WDR7: variants seen among roughly 807,000 people sequenced by gnomAD.
WDR7 encodes WD repeat domain 7.
Under a neutral mutation model 169.4 loss-of-function variants are expected in WDR7, and 46 were observed. The ratio of observed to expected loss-of-function variants is 0.27; its 90% CI spans 0.21 to 0.35. WDR7 has a LOEUF of 0.35. Ranked by LOEUF, WDR7 falls within the 10% of genes least tolerant of loss-of-function variation. The pLI, the probability that WDR7 is intolerant of heterozygous loss-of-function variation, is 1.00. For missense variants in WDR7, 1,534 were observed against 1,859.3 expected (o/e 0.83, Z 3.22); for synonymous variants, 612 against 666.8 (o/e 0.92, Z 1.27).
intron 1 of WDR7, among the ~76,000 whole-genome samples, chr18:56,653,726 A>T (rs1224969894): frequency 6.6e-6 from 1 of 152,154 alleles, no homozygotes. Flanking sequence ...TTTGCTTCCA[A>T]GTGCTGCACA....
intron 20 of WDR7, among the ~76,000 whole-genome samples, chr18:56,864,137 A>C (rs992801864): frequency 2.0e-5 from 3 of 151,830 alleles, no homozygotes; most frequent in Non-Finnish European, 4.4e-5. Context: ...GAGAAAAAAG[A>C]AAAAGCATCA....
At chr18:56,717,754 C>A (rs2026224445) in intron 12 of WDR7, among the ~76,000 whole-genome samples, 1 of 152,108 alleles carries the variant, frequency 6.6e-6, no homozygotes, top group Non-Finnish European at 1.5e-5. Flanking sequence ...AATCTTTAAT[C>A]TAGAATTAAT....
chr18:56,790,794 C>A (rs982385169), intron 19 of WDR7, among the ~76,000 whole-genome samples: 5 of 152,058 alleles, frequency 3.3e-5, no homozygotes, highest in African/African-American at 7.2e-5. Context: ...TAAATGGTTT[C>A]ATCGTGCATG....
intron 1 of WDR7, among the ~76,000 whole-genome samples, chr18:56,667,589 A>T (rs574075174): frequency 1.8e-4 from 27 of 152,292 alleles, no homozygotes; most frequent in Admixed American, 3.3e-4. Flanking sequence ...TCCATGATGG[A>T]ATCTAAATTG....
intron 25 of WDR7, 22 bp from the exon 26 acceptor site, chr18:56,962,408 G>T (rs754527230): frequency 1.2e-6 from 2 of 1,609,698 alleles, no homozygotes; most frequent in Non-Finnish European, 1.7e-6. Context: ...TTTTGTTTTT[G>T]TTGTTAAAAT....
intron 14 of WDR7, among the ~76,000 whole-genome samples, chr18:56,753,973 A>T (rs2043833566): frequency 1.3e-5 from 2 of 152,168 alleles, no homozygotes; most frequent in Non-Finnish European, 1.5e-5. Context: ...TAGCAATACA[A>T]ATTAGATTGT....
intron 26 of WDR7, among the ~76,000 whole-genome samples, chr18:56,975,242 A>T (rs2047549806): frequency 6.6e-6 from 1 of 151,850 alleles, no homozygotes; most frequent in African/African-American, 2.4e-5. Flanking sequence ...TCTCGGGGGT[A>T]GTGGGGCAAA....
In WDR7 at chr18:56,935,809, G is replaced by C. The variant is rs749595468; in HGVS notation, c.3735G>C (p.Leu1245=). The C allele has an allele frequency of 2.5e-6, 4 of 1,613,864 alleles. No individual in the cohort carries two copies. In the African/African-American group the frequency reaches 5.3e-5, roughly 22 times the overall value. The change falls in exon 23 of 28, where the codon CTG becomes CTC. Residue 1245 remains leucine, a synonymous_variant. Transcript: ENST00000254442. ...TTAGCATCACAATGGGGTTGCCTCT[G>C]AGCCCAGCAGCTGACTCGGCCCGCT... ...QLANITMGLP[L]SPAADSARSA... is the part of the protein sequence containing the mutation.
At chr18:57,017,418 G>C (rs1383067161) in intron 26 of WDR7, among the ~76,000 whole-genome samples, 1 of 141,164 alleles carries the variant, frequency 7.1e-6, no homozygotes, top group Non-Finnish European at 1.5e-5. Context: ...CATGCTGTGT[G>C]TGTGTGTGTG....
intron 19 of WDR7, among the ~76,000 whole-genome samples, chr18:56,810,920 C>G (rs1408787531): frequency 6.6e-6 from 1 of 152,092 alleles, no homozygotes; most frequent in Non-Finnish European, 1.5e-5. Flanking sequence ...GAAACCTCAG[C>G]CCCCATTAGC....
intron 20 of WDR7, among the ~76,000 whole-genome samples, chr18:56,844,135 ACAGG>A (rs2145338858): frequency 6.6e-6 from 1 of 151,732 alleles, no homozygotes; most frequent in South Asian, 2.1e-4. Context: ...TGCTAGGATT[ACAGG>A]CATGAGCCAC....
At chr18:56,758,442 A>G (rs1415220305) in intron 15 of WDR7, among the ~76,000 whole-genome samples, 2 of 152,214 alleles carry the variant, frequency 1.3e-5, no homozygotes, top group Admixed American at 6.5e-5. Flanking sequence ...CAACTGAGAC[A>G]GTCTGCCTCT....
rs548067376 is a variant in WDR7 at position 56,757,152 on chromosome 18, G to A, written c.2559G>A (p.Gln853=). 9 of 1,614,094 alleles carry A rather than the reference G, an allele frequency of 5.6e-6. No individual in the cohort carries two copies. In the African/African-American group the frequency reaches 1.2e-4, roughly 22 times the overall value. Residue 853 remains glutamine, a synonymous_variant, in exon 15 of 28, where the codon CAG becomes CAA. Coordinates refer to ENST00000254442, the MANE Select transcript of WDR7 (RefSeq NM_015285.3). ...CACTGATGCTGCCGGGTTATAATCA[G>A]CCTGCTTGTAAACTGTCACATGGGA... The part of the protein sequence containing the change: ...HMSLMLPGYN[Q]PACKLSHGKT...
intron 27 of WDR7, among the ~76,000 whole-genome samples, chr18:57,022,805 C>T (rs556583387): frequency 4.5e-4 from 69 of 152,324 alleles, no homozygotes; most frequent in African/African-American, 1.6e-3. Context: ...TTTCAGGTAA[C>T]ATCTTTTTGT....
In WDR7 at chr18:56,939,407, C is replaced by A; in HGVS notation, c.4064+14C>A. The stretch of plus-strand genomic sequence containing the variant: ...AGCCATCTGCAGGTAAAGAAGCCTT[C>A]AAGAGCATGCAGAATAAATAATTTT... On this transcript the variant is annotated intron_variant, in intron 25 of 27. Coordinates refer to ENST00000254442, the MANE Select transcript of WDR7 (RefSeq NM_015285.3). 1 of 1,531,140 alleles carries A rather than the reference C, an allele frequency of 6.5e-7. No homozygotes were observed. Among genetic ancestry groups the A allele is most frequent in the South Asian group, 1.3e-5 (1 of 75,882 alleles). 94.8% of individuals were successfully genotyped at this position (1,531,140 alleles called of 1,614,324 possible).
chr18:56,816,421 C>T (rs1366183443), intron 20 of WDR7, among the ~76,000 whole-genome samples: 4 of 152,054 alleles, frequency 2.6e-5, no homozygotes, highest in East Asian at 1.9e-4. Context: ...TCAGAATCTG[C>T]GATCATTGCT....
Position 57,000,711 on chromosome 18 carries a change from G to A in WDR7, c.4165-20034G>A, listed in dbSNP as rs2047964217. Among the ~76,000 whole-genome samples the A allele has an allele frequency of 1.3e-5, 2 of 152,270 alleles. 1 individual carries two copies. Among genetic ancestry groups the A allele is most frequent in the South Asian group, 4.1e-4 (2 of 4,828 alleles). On this transcript the variant is annotated intron_variant, in intron 26 of 27. Coordinates refer to ENST00000254442, the MANE Select transcript of WDR7 (RefSeq NM_015285.3). Reference sequence around the variant, plus strand: ...ATTATTTTCTTATAGTTTGGTTGTTGTTCTAGAAAATGTTCAAAAGCTTTC... The same window carrying A: ...ATTATTTTCTTATAGTTTGGTTGTTATTCTAGAAAATGTTCAAAAGCTTTC...
At chr18:56,773,538 T>A (rs2044196251) in intron 16 of WDR7, among the ~76,000 whole-genome samples, 1 of 152,120 alleles carries the variant, frequency 6.6e-6, no homozygotes, top group African/African-American at 2.4e-5. Flanking sequence ...GCAAAGTTAG[T>A]GCATTAATTA....
chr18:56,712,162 A>G (rs1329579659), intron 12 of WDR7, among the ~76,000 whole-genome samples: 1 of 152,250 alleles, frequency 6.6e-6, no homozygotes, highest in African/African-American at 2.4e-5. Flanking sequence ...GCTGTTGGAA[A>G]GTGGAGTCAT....
Sources: gnomAD v4.1 joint callset for allele counts (sites outside exome capture counted in the v4.1 genomes callset) on GRCh38, gnomAD v4.1.1 for gene constraint, MANE v1.5 for transcripts, NCBI Gene and HGNC (gene_info 2026-07-23, HGNC 2026-07-21) for gene names.